The following ELMO1 variants were observed in gnomAD, a reference collection of about 807,000 sequenced individuals.
ELMO1 encodes the protein engulfment and cell motility 1, also known as engulfment and cell motility protein 1.
Under a neutral mutation model 98.9 loss-of-function variants are expected in ELMO1, and 26 were observed. That is an observed-to-expected ratio of 0.26 (90% CI 0.19 to 0.36). The LOEUF (loss-of-function observed/expected upper bound fraction) is 0.36. ELMO1 is among the 10% of genes least tolerant of loss of function. ELMO1 has a pLI of 1.00. For synonymous variants in ELMO1, 346 were observed against 346.0 expected (o/e 1.00, Z 0.00); for missense variants, 627 against 935.2 (o/e 0.67, Z 4.30).
At chr7:36,932,346 A>G (rs536790611) in intron 16 of ELMO1, among the ~76,000 whole-genome samples, 4 of 152,344 alleles carry the variant, frequency 2.6e-5, no homozygotes, top group African/African-American at 9.6e-5. Context: ...AATGTGCTGA[A>G]TACCCTTCTG....
chr7:37,095,663 C>A (rs1784331988), intron 15 of ELMO1, among the ~76,000 whole-genome samples: 1 of 152,166 alleles, frequency 6.6e-6, no homozygotes, highest in South Asian at 2.1e-4. Flanking sequence ...TAGTTTATTT[C>A]AGCAGTACCT....
chr7:37,298,286 T>G (rs1376966246), intron 4 of ELMO1, among the ~76,000 whole-genome samples: 1 of 45,870 alleles, frequency 2.2e-5, no homozygotes, highest in African/African-American at 6.4e-5. Flanking sequence ...AAGTTTTTTT[T>G]GTTTTTTTTT....
At chr7:37,292,702 C>G (rs1196922783) in intron 4 of ELMO1, among the ~76,000 whole-genome samples, 1 of 76,176 alleles carries the variant, frequency 1.3e-5, no homozygotes, top group African/African-American at 4.3e-5. Context: ...TGAGGAGCGT[C>G]TCCGCCCGGC....
chr7:37,264,122 A>G (rs1227572539), intron 5 of ELMO1, among the ~76,000 whole-genome samples: 1 of 152,230 alleles, frequency 6.6e-6, no homozygotes, highest in African/African-American at 2.4e-5. Flanking sequence ...GAAACAGCCA[A>G]GACGCAAACA....
chr7:37,046,739 T>C (rs1354902506), intron 15 of ELMO1, among the ~76,000 whole-genome samples: 1 of 152,202 alleles, frequency 6.6e-6, no homozygotes, highest in Non-Finnish European at 1.5e-5. Context: ...CAGATTTTCT[T>C]AGGTCAAGAA....
intron 16 of ELMO1, among the ~76,000 whole-genome samples, chr7:36,955,081 A>T (rs1788333386): frequency 6.6e-6 from 1 of 152,150 alleles, no homozygotes. Flanking sequence ...GGGCTCTCTC[A>T]TGCCTCACAC....
chr7:37,275,457 C>G (rs181514688), intron 4 of ELMO1, among the ~76,000 whole-genome samples: 4 of 152,324 alleles, frequency 2.6e-5, no homozygotes, highest in Admixed American at 2.0e-4. Context: ...AAGCTGGGCT[C>G]AATTCCTGCT....
At chr7:36,957,858 C>G (rs937969092) in intron 16 of ELMO1, among the ~76,000 whole-genome samples, 9 of 152,192 alleles carry the variant, frequency 5.9e-5, no homozygotes, top group Non-Finnish European at 1.3e-4. Context: ...TTGCATGTAG[C>G]CCCAGCAGCA....
chr7:37,038,301 C>G (rs1795306289), intron 15 of ELMO1, among the ~76,000 whole-genome samples: 1 of 152,158 alleles, frequency 6.6e-6, no homozygotes, highest in African/African-American at 2.4e-5. Flanking sequence ...ACAACCTGAA[C>G]TCAGCCCCAC....
intron 15 of ELMO1, among the ~76,000 whole-genome samples, chr7:37,085,863 C>A (rs953186416): frequency 2.0e-5 from 3 of 152,194 alleles, no homozygotes; most frequent in African/African-American, 7.2e-5. Context: ...TGATGTTTCT[C>A]CTGCTATAAG....
intron 15 of ELMO1, 167 bp from the exon 16 acceptor site, chr7:37,013,602 A>G: frequency 4.0e-6 from 3 of 749,636 alleles, no homozygotes; most frequent in Non-Finnish European, 6.3e-6. Flanking sequence ...TGGCCCCCAT[A>G]CAACTCGGAA....
intron 16 of ELMO1, among the ~76,000 whole-genome samples, chr7:36,957,429 T>C (rs73340271): frequency 6.6e-6 from 1 of 151,916 alleles, no homozygotes; most frequent in South Asian, 2.1e-4. Flanking sequence ...TGACACTTAC[T>C]CTCCACCTGG....
At chr7:36,955,288 G>T (rs1276268453) in intron 16 of ELMO1, among the ~76,000 whole-genome samples, 1 of 152,098 alleles carries the variant, frequency 6.6e-6, no homozygotes, top group Non-Finnish European at 1.5e-5. Context: ...CTCTACAGCT[G>T]CTTCTTTTTC....
At chr7:37,096,314 G>A (rs754226240) in intron 15 of ELMO1, among the ~76,000 whole-genome samples, 12 of 151,564 alleles carry the variant, frequency 7.9e-5, no homozygotes, top group Non-Finnish European at 1.3e-4. Context: ...GAAATCCATA[G>A]ATTTTTTTTT....
intron 4 of ELMO1, among the ~76,000 whole-genome samples, chr7:37,309,143 G>A (rs544981204): frequency 2.6e-4 from 39 of 152,236 alleles, no homozygotes; most frequent in Non-Finnish European, 5.3e-4. Context: ...GAGGTTTAAT[G>A]GACTCACAGT....
At chr7:36,885,813 C>T (rs912131881) in intron 18 of ELMO1, among the ~76,000 whole-genome samples, 1 of 152,168 alleles carries the variant, frequency 6.6e-6, no homozygotes, top group Non-Finnish European at 1.5e-5. Flanking sequence ...GGCACCAAGT[C>T]CACTCACTCT....
intron 15 of ELMO1, among the ~76,000 whole-genome samples, chr7:37,049,293 C>A (rs1795972916): frequency 6.6e-6 from 1 of 152,100 alleles, no homozygotes. Flanking sequence ...CCCAAAGGGC[C>A]CCTGGTTCAG....
intron 1 of ELMO1, among the ~76,000 whole-genome samples, chr7:37,349,962 G>A (rs1801184053): frequency 6.6e-6 from 1 of 152,210 alleles, no homozygotes; most frequent in African/African-American, 2.4e-5. Context: ...CATTATTCAG[G>A]ATGTATGAGT....
intron 15 of ELMO1, among the ~76,000 whole-genome samples, chr7:37,042,796 C>T (rs1404254891): frequency 1.3e-5 from 2 of 152,180 alleles, no homozygotes; most frequent in African/African-American, 4.8e-5. Flanking sequence ...TTGTAACATT[C>T]AAGTCTCAGC....
Sources: gnomAD v4.1 joint callset for allele counts (sites outside exome capture counted in the v4.1 genomes callset) on GRCh38, gnomAD v4.1.1 for gene constraint, MANE v1.5 for transcripts, NCBI Gene and HGNC (gene_info 2026-07-23, HGNC 2026-07-21) for gene names.